SLC25A21: variants seen among roughly 807,000 people sequenced by gnomAD.
SLC25A21 encodes the protein solute carrier family 25 member 21.
A neutral mutation model predicts 43.8 loss-of-function variants in SLC25A21; 47 were observed. The ratio of observed to expected loss-of-function variants is 1.07; its 90% CI spans 0.85 to 1.37. SLC25A21 has a LOEUF of 1.37. SLC25A21 is among the 40% of genes most tolerant of loss of function. SLC25A21 has a pLI of 0.00. For synonymous variants in SLC25A21, 131 were observed against 121.3 expected (o/e 1.08, Z -0.52); for missense variants, 352 against 350.2 (o/e 1.00, Z -0.04).
At chr14:36,909,380 A>G (rs1891623235) in intron 1 of SLC25A21, among the ~76,000 whole-genome samples, 1 of 152,196 alleles carries the variant, frequency 6.6e-6, no homozygotes, top group Non-Finnish European at 1.5e-5. Flanking sequence ...ATTCCCTGAT[A>G]TGATTTGTTT....
intron 3 of SLC25A21, among the ~76,000 whole-genome samples, chr14:36,770,813 T>C (rs1041576926): frequency 9.2e-5 from 14 of 152,230 alleles, no homozygotes; most frequent in African/African-American, 3.4e-4. Flanking sequence ...TATAATTATG[T>C]TATGTGTATA....
Position 36,995,072 on chromosome 14 carries a change from G to A in SLC25A21, c.71-120068C>T, listed in dbSNP as rs776736519. ...TTTGTCTGAATTGATCCCCTTTCAC[G>A]TCTGGCCTGAGTCTTCTTTTGAGAT... is the stretch of plus-strand genomic sequence containing the variant. On this transcript the variant is annotated intron_variant, in intron 1 of 9. Coordinates refer to ENST00000331299, the MANE Select transcript of SLC25A21 (RefSeq NM_030631.4). Among the ~76,000 whole-genome samples, 13 of 152,202 alleles carry A rather than the reference G, an allele frequency of 8.5e-5. No homozygotes were observed. The East Asian group carries it at 2.1e-3, about 25-fold the overall frequency.
chr14:36,877,605 G>A (rs1008659173), intron 1 of SLC25A21, among the ~76,000 whole-genome samples: 1 of 152,110 alleles, frequency 6.6e-6, no homozygotes, highest in African/African-American at 2.4e-5. Flanking sequence ...GAGGTGCAAT[G>A]CTCAGAGTTT....
intron 4 of SLC25A21, among the ~76,000 whole-genome samples, chr14:36,733,141 A>C (rs2139226161): frequency 6.6e-6 from 1 of 152,312 alleles, no homozygotes; most frequent in African/African-American, 2.4e-5. Flanking sequence ...TTCCAGGAAA[A>C]ACTCTAATTT....
chr14:36,738,585 G>A (rs942527793), intron 3 of SLC25A21, among the ~76,000 whole-genome samples: 7 of 152,272 alleles, frequency 4.6e-5, no homozygotes, highest in Admixed American at 3.3e-4. Flanking sequence ...CCGACATGAC[G>A]GCAAAGGCAT....
chr14:36,865,803 G>C (rs1248068727), intron 2 of SLC25A21, among the ~76,000 whole-genome samples: 38 of 152,148 alleles, frequency 2.5e-4, no homozygotes, highest in Non-Finnish European at 8.8e-5. Context: ...CCAATAGAGA[G>C]TGTAAATCAA....
At chr14:37,102,834 A>G (rs1962842323) in intron 1 of SLC25A21, among the ~76,000 whole-genome samples, 1 of 151,788 alleles carries the variant, frequency 6.6e-6, no homozygotes. Flanking sequence ...AAAAATACAA[A>G]ATAAGCCAGG....
At chr14:37,130,289 T>A (rs945145646) in intron 1 of SLC25A21, among the ~76,000 whole-genome samples, 4 of 152,068 alleles carry the variant, frequency 2.6e-5, no homozygotes, top group African/African-American at 9.7e-5. Context: ...ATTAAAAAAA[T>A]TTTAACTTTT....
chr14:36,906,455 C>A (rs1315631172), intron 1 of SLC25A21, among the ~76,000 whole-genome samples: 1 of 151,316 alleles, frequency 6.6e-6, no homozygotes, highest in Non-Finnish European at 1.5e-5. Flanking sequence ...GACTCTAATG[C>A]ATGGATGATG....
chr14:36,875,996 T>C (rs11626555), intron 1 of SLC25A21, among the ~76,000 whole-genome samples: 66,936 of 152,054 alleles, frequency 0.44, 16,103 homozygotes, highest in Non-Finnish European at 0.52. Context: ...GTCACTGATA[T>C]GCACAACGAA....
At chr14:37,160,379 T>G (rs1340241047) in intron 1 of SLC25A21, among the ~76,000 whole-genome samples, 1 of 152,136 alleles carries the variant, frequency 6.6e-6, no homozygotes, top group Admixed American at 6.5e-5. Context: ...GAAATACTAT[T>G]TGGCCATTAA....
chr14:36,891,638 C>CA (rs1891075330), intron 1 of SLC25A21, among the ~76,000 whole-genome samples: 1 of 151,928 alleles, frequency 6.6e-6, no homozygotes, highest in Non-Finnish European at 1.5e-5. Context: ...TCTATTCCCT[C>CA]TTTTTTTTCA....
chr14:37,038,633 C>A (rs1274298882), intron 1 of SLC25A21, among the ~76,000 whole-genome samples: 1 of 152,140 alleles, frequency 6.6e-6, no homozygotes, highest in African/African-American at 2.4e-5. Context: ...TTCAGGAAGT[C>A]AGAAGAACAT....
chr14:36,792,238 A>G (rs1887511860), intron 3 of SLC25A21, among the ~76,000 whole-genome samples: 1 of 152,110 alleles, frequency 6.6e-6, no homozygotes, highest in African/African-American at 2.4e-5. Flanking sequence ...ATAGGGCAAT[A>G]TTTTCCATTT....
At chr14:37,157,878 T>C (rs1321425605) in intron 1 of SLC25A21, among the ~76,000 whole-genome samples, 2 of 151,904 alleles carry the variant, frequency 1.3e-5, no homozygotes, top group Admixed American at 6.6e-5. Flanking sequence ...GATCCAAATA[T>C]ACAAAATCAA....
intron 6 of SLC25A21, among the ~76,000 whole-genome samples, chr14:36,716,974 A>G (rs1424154803): frequency 6.6e-6 from 1 of 152,202 alleles, no homozygotes; most frequent in African/African-American, 2.4e-5. Context: ...CGGGTGTTGT[A>G]CCGGATTTCA....
chr14:36,934,485 A>T (rs900759025), intron 1 of SLC25A21, among the ~76,000 whole-genome samples: 10 of 142,936 alleles, frequency 7.0e-5, no homozygotes, highest in African/African-American at 2.5e-4. Context: ...AAAAAAAAAA[A>T]GCATGCCATC....
Position 36,678,239 on chromosome 14 carries a change from CT to C in SLC25A21, c.*2418del. On this transcript the variant is annotated 3_prime_UTR_variant, in exon 10 of 10. Coordinates refer to ENST00000331299, the MANE Select transcript of SLC25A21 (RefSeq NM_030631.4). ...CTAGATTAGTTAGGTTTTCAAATCA[CT>C]AGGATGTAAACAGTAAGCAGATTTC... 1 of 531,516 alleles carries C rather than the reference CT, an allele frequency of 1.9e-6. No homozygotes were observed. Among genetic ancestry groups the C allele is most frequent in the South Asian group, 2.8e-5 (1 of 35,098 alleles). 32.9% of individuals were successfully genotyped at this position (531,516 alleles called of 1,614,324 possible).
At chr14:37,098,890 C>A (rs1259697586) in intron 1 of SLC25A21, among the ~76,000 whole-genome samples, 1 of 151,726 alleles carries the variant, frequency 6.6e-6, no homozygotes, top group Non-Finnish European at 1.5e-5. Context: ...GCAGCCTCCA[C>A]CTCCTGGGTT....
Sources: allele counts gnomAD v4.1 joint callset (sites outside exome capture counted in the v4.1 genomes callset), GRCh38; gene constraint gnomAD v4.1.1; transcripts MANE v1.5; gene names NCBI Gene and HGNC (gene_info 2026-07-23, HGNC 2026-07-21).